SOX6: variants seen among roughly 807,000 people sequenced by gnomAD.
SOX6 encodes the protein SRY-box transcription factor 6.
SOX6 carries 11 observed loss-of-function variants against 97.8 expected under a neutral mutation model. The observed-to-expected ratio is 0.11, with a 90% CI of 0.07 to 0.19. SOX6 has a LOEUF of 0.19. Ranked by LOEUF, SOX6 falls within the 10% of genes least tolerant of loss-of-function variation. The pLI is 1.00. For synonymous variants in SOX6, 360 were observed against 371.4 expected, an observed-to-expected ratio of 0.97 and a Z score of 0.35; for missense variants, 810 against 1,039.5, an observed-to-expected ratio of 0.78 and a Z score of 3.04.
intron 1 of SOX6, among the ~76,000 whole-genome samples, chr11:16,370,511 C>CA (rs1263527282): frequency 1.3e-5 from 2 of 151,756 alleles, no homozygotes; most frequent in African/African-American, 4.8e-5. Context: ...AAAATAGAAC[C>CA]AAAAAAATGG....
chr11:16,320,580 T>C (rs1448961104), intron 2 of SOX6, among the ~76,000 whole-genome samples: 1 of 152,076 alleles, frequency 6.6e-6, no homozygotes, highest in East Asian at 1.9e-4. Context: ...TAATAACTGG[T>C]AGATACTATT....
chr11:16,410,759 CAAAAAAAAAAA>C (rs71044100), intron 1 of SOX6, among the ~76,000 whole-genome samples: 2 of 64,384 alleles, frequency 3.1e-5, no homozygotes, highest in Non-Finnish European at 6.2e-5. Context: ...AACCGGTCTC[CAAAAAAAAAAA>C]AAAAAAAAAG....
chr11:16,716,694 T>C (rs1848222027), intron 2 of SOX6, among the ~76,000 whole-genome samples: 1 of 151,940 alleles, frequency 6.6e-6, no homozygotes, highest in African/African-American at 2.4e-5. Flanking sequence ...CACATACCCA[T>C]CAACAAATGA....
At position 16,318,627 on chromosome 11, in the gene SOX6, G is replaced by A; in HGVS notation, c.264C>T (p.Ser88=). The A allele has an allele frequency of 6.2e-7, 1 of 1,611,384 alleles. No homozygotes were observed. Among genetic ancestry groups the A allele is most frequent in the Non-Finnish European group, 8.5e-7 (1 of 1,178,826 alleles). ...TAGAGGTATTTCGGAAGGAATATAG[G>A]GAACATAACTTATTATTCTCTGATT... ...RMESENNKLC[S]LYSFRNTSTS... The change falls in exon 3 of 16, where the codon TCC becomes TCT. Residue 88 remains serine (S), a synonymous_variant. Coordinates refer to ENST00000683767, the MANE Select transcript of SOX6 (RefSeq NM_001367873.1).
At chr11:16,580,011 T>C (rs1434616942) in intron 4 of SOX6, among the ~76,000 whole-genome samples, 1 of 152,178 alleles carries the variant, frequency 6.6e-6, no homozygotes, top group Admixed American at 6.5e-5. Context: ...TATAGACCTG[T>C]AACTTTACTA....
At chr11:16,146,032 C>A (rs951616251) in intron 6 of SOX6, among the ~76,000 whole-genome samples, 2 of 152,094 alleles carry the variant, frequency 1.3e-5, no homozygotes, top group African/African-American at 4.8e-5. Flanking sequence ...AAAAAAGAGC[C>A]CACATTGCCA....
chr11:16,515,052 G>A (rs1036735821), intron 4 of SOX6, among the ~76,000 whole-genome samples: 12 of 151,436 alleles, frequency 7.9e-5, no homozygotes, highest in African/African-American at 2.9e-4. Context: ...AGTCCTTTGG[G>A]TATATACCCA....
chr11:16,688,623 G>GT (rs1375433930), intron 3 of SOX6, among the ~76,000 whole-genome samples: 4 of 152,064 alleles, frequency 2.6e-5, no homozygotes, highest in Admixed American at 1.3e-4. Context: ...GATTTGTATC[G>GT]TTTTTTATAT....
At chr11:16,703,867 A>G (rs1468318193) in intron 3 of SOX6, among the ~76,000 whole-genome samples, 1 of 152,168 alleles carries the variant, frequency 6.6e-6, no homozygotes, top group Non-Finnish European at 1.5e-5. Flanking sequence ...CAGGTACTCA[A>G]CAAATACTTG....
rs894465522 is a variant in SOX6, at chr11:16,613,645, A to G, written n.430-1385T>C. On this transcript the variant is annotated intron_variant and non_coding_transcript_variant, in intron 3 of 5. Coordinates refer to the SOX6 transcript ENST00000524520. The surrounding 1 kb of genome is among the most constrained non-coding windows in gnomAD (Gnocchi z 4.6). ...CCCACGAGCACACACACACGCACGC[A>G]CACACACAGACACGCGCGTATTCTG... Among the ~76,000 whole-genome samples the G allele has an allele frequency of 2.0e-5, 3 of 152,062 alleles. No individual in the cohort carries two copies. The highest frequency in any genetic ancestry group is 6.5e-5 in the Admixed American group (1 of 15,280).
chr11:16,127,992 G>A (rs1423785710), intron 6 of SOX6, among the ~76,000 whole-genome samples: 1 of 152,078 alleles, frequency 6.6e-6, no homozygotes, highest in African/African-American at 2.4e-5. Context: ...GAAAATATTG[G>A]GAACTCAAAT....
At chr11:16,486,809 C>G (rs1232647807) in intron 4 of SOX6, among the ~76,000 whole-genome samples, 1 of 152,126 alleles carries the variant, frequency 6.6e-6, no homozygotes, top group Non-Finnish European at 1.5e-5. Context: ...GATTGCGCCA[C>G]TGCACTCTGG....
intron 6 of SOX6, among the ~76,000 whole-genome samples, chr11:16,161,037 T>C (rs1268936458): frequency 6.6e-6 from 1 of 152,162 alleles, no homozygotes; most frequent in Non-Finnish European, 1.5e-5. Context: ...CCCAGTTGAA[T>C]GCTGGTAAAT....
chr11:16,110,224 T>C (rs1033587752), intron 7 of SOX6: 3 of 152,116 alleles, frequency 2.0e-5, no homozygotes, highest in Non-Finnish European at 4.4e-5. Context: ...TGAAGTCAAA[T>C]AGATAATTTC....
chr11:16,432,328 C>G lies in SOX6; in HGVS notation c.-5+43987G>C, dbSNP rs953898423. ...AGAACTCCAGTTCTTAATTCAAAGG[C>G]ATATGCCAAGTTAATTACAGTCAAA... On this transcript the variant is annotated intron_variant, in intron 1 of 15. Coordinates refer to the SOX6 transcript ENST00000396356. 2.0e-5 allele frequency among the ~76,000 whole-genome samples: 3 copies of G among 152,190 alleles called. No individual in the cohort carries two copies. In the East Asian group the frequency reaches 5.8e-4, roughly 29 times the overall value.
intron 3 of SOX6, among the ~76,000 whole-genome samples, chr11:16,702,125 T>C (rs947235124): frequency 6.6e-6 from 1 of 152,202 alleles, no homozygotes; most frequent in African/African-American, 2.4e-5. Flanking sequence ...AGTGAACGAA[T>C]TTTTATTTCT....
At chr11:16,209,530 A>G (rs1852163714) in intron 4 of SOX6, among the ~76,000 whole-genome samples, 1 of 152,116 alleles carries the variant, frequency 6.6e-6, no homozygotes, top group Non-Finnish European at 1.5e-5. Flanking sequence ...CCGAAGTGGG[A>G]GGATCACTTG....
intron 4 of SOX6, among the ~76,000 whole-genome samples, chr11:16,211,586 G>A (rs938251786): frequency 6.6e-6 from 1 of 152,204 alleles, no homozygotes; most frequent in Admixed American, 6.5e-5. Context: ...GGTAAGGTGA[G>A]AGAATGGTTC....
intron 9 of SOX6, among the ~76,000 whole-genome samples, chr11:16,086,446 C>A (rs1483074710): frequency 6.6e-6 from 1 of 152,250 alleles, no homozygotes; most frequent in East Asian, 1.9e-4. Context: ...AGACTCCTGG[C>A]CTGAGGCAGG....
Sources: gnomAD v4.1 joint callset for allele counts (sites outside exome capture counted in the v4.1 genomes callset) on GRCh38, gnomAD v4.1.1 for gene constraint, Gnocchi (gnomAD v3.1) non-coding constraint, MANE v1.5 for transcripts, NCBI Gene and HGNC (gene_info 2026-07-23, HGNC 2026-07-21) for gene names.